The following EYA1 variants were observed in gnomAD, a reference collection of about 807,000 sequenced individuals.
The protein encoded by EYA1 is EYA transcriptional coactivator and phosphatase 1, also known as protein phosphatase EYA1.
A neutral mutation model predicts 82.0 loss-of-function variants in EYA1; 16 were observed. The ratio of observed to expected loss-of-function variants is 0.20; its 90% CI spans 0.13 to 0.30. The LOEUF is 0.30. Ranked by LOEUF, EYA1 falls within the 10% of genes least tolerant of loss-of-function variation. The pLI, the probability that EYA1 is intolerant of heterozygous loss-of-function variation, is 1.00. For synonymous variants in EYA1, 261 were observed against 264.4 expected, an observed-to-expected ratio of 0.99 and a Z score of 0.12; for missense variants, 633 against 730.7, an observed-to-expected ratio of 0.87 and a Z score of 1.54.
At chr8:71,224,360 A>G (rs768808813) in intron 12 of EYA1, among the ~76,000 whole-genome samples, 2 of 152,266 alleles carry the variant, frequency 1.3e-5, no homozygotes, top group Non-Finnish European at 2.9e-5. Context: ...AAAAGTCAGC[A>G]GAGAACTAGC....
chr8:71,233,476 A>G (rs1488870846), intron 12 of EYA1, among the ~76,000 whole-genome samples: 2 of 151,372 alleles, frequency 1.3e-5, no homozygotes, highest in African/African-American at 4.9e-5. Flanking sequence ...AGGCAGGAGA[A>G]TGGCATGAAC....
At chr8:71,335,955 C>G (rs1410918490) in intron 3 of EYA1, among the ~76,000 whole-genome samples, 3 of 152,138 alleles carry the variant, frequency 2.0e-5, no homozygotes, top group African/African-American at 4.8e-5. Flanking sequence ...GCCATGGAAA[C>G]AGGTCCTGTA....
chr8:71,402,771 C>T (rs1247848483), intron 2 of EYA1, among the ~76,000 whole-genome samples: 1 of 151,842 alleles, frequency 6.6e-6, no homozygotes, highest in African/African-American at 2.4e-5. Context: ...CAGAAATTAG[C>T]AGAATAACAA....
intron 9 of EYA1, among the ~76,000 whole-genome samples, chr8:71,298,474 T>C (rs1399410820): frequency 2.0e-5 from 3 of 152,176 alleles, no homozygotes; most frequent in Middle Eastern, 3.2e-3. Context: ...AAAGACATCA[T>C]GTAGGAAGAT....
At chr8:71,328,670 C>G (rs781481858) in intron 4 of EYA1, among the ~76,000 whole-genome samples, 8 of 152,294 alleles carry the variant, frequency 5.3e-5, no homozygotes, top group Non-Finnish European at 8.8e-5. Flanking sequence ...AAAAATCTTT[C>G]TTTCTCTGGG....
chr8:71,458,255 C>A (rs1462370861), intron 2 of EYA1, among the ~76,000 whole-genome samples: 1 of 152,026 alleles, frequency 6.6e-6, no homozygotes, highest in Non-Finnish European at 1.5e-5. Flanking sequence ...CTTATATAGT[C>A]TGAGGTAAGA....
chr8:71,508,941 G>A (rs1216724260), intron 2 of EYA1, among the ~76,000 whole-genome samples: 1 of 152,080 alleles, frequency 6.6e-6, no homozygotes, highest in Non-Finnish European at 1.5e-5. Context: ...TTTGGTTTGT[G>A]CCAGGTGTGG....
At chr8:71,368,663 C>G (rs1450524096) in intron 2 of EYA1, among the ~76,000 whole-genome samples, 4 of 152,042 alleles carry the variant, frequency 2.6e-5, no homozygotes, top group Non-Finnish European at 4.4e-5. Context: ...AGTATCGTCA[C>G]AGTATACCTC....
chr8:71,476,132 C>T (rs1379685500), intron 2 of EYA1, among the ~76,000 whole-genome samples: 1 of 152,080 alleles, frequency 6.6e-6, no homozygotes, highest in Non-Finnish European at 1.5e-5. Flanking sequence ...CCCCCCAATC[C>T]TTCATATACC....
Position 71,287,887 on chromosome 8 carries a change from C to A in EYA1, c.826+11160G>T, listed in dbSNP as rs114508345. On this transcript the variant is annotated intron_variant, in intron 9 of 17. Coordinates refer to ENST00000340726, the MANE Select transcript of EYA1 (RefSeq NM_000503.6). ...AATATGTATCAGTCACTTTGCTAGC[C>A]ACTTACATCATTTCATTCTCATAGT... Among the ~76,000 whole-genome samples the A allele has an allele frequency of 3.7e-3, 566 of 152,308 alleles. 4 individuals are homozygous for A. Among genetic ancestry groups the A allele is most frequent in the African/African-American group, 0.013 (538 of 41,578 alleles).
chr8:71,538,369 A>G (rs77033380), intron 1 of EYA1, among the ~76,000 whole-genome samples: 1 of 150,916 alleles, frequency 6.6e-6, no homozygotes, highest in Non-Finnish European at 1.5e-5. Flanking sequence ...TTTTGAATGA[A>G]TGAATAAAAT....
chr8:71,357,459 T>A (rs991061268), intron 1 of EYA1, among the ~76,000 whole-genome samples: 3 of 152,246 alleles, frequency 2.0e-5, no homozygotes, highest in African/African-American at 7.2e-5. Flanking sequence ...GCCAGGCTGC[T>A]GGCTTGTAAG....
chr8:71,434,216 A>G (rs1248590626), intron 2 of EYA1, among the ~76,000 whole-genome samples: 1 of 152,214 alleles, frequency 6.6e-6, no homozygotes, highest in African/African-American at 2.4e-5. Flanking sequence ...CTTTCTAGAC[A>G]TTATTGTAGT....
intron 11 of EYA1, among the ~76,000 whole-genome samples, chr8:71,266,724 A>G (rs2128941877): frequency 6.6e-6 from 1 of 152,336 alleles, no homozygotes; most frequent in South Asian, 2.1e-4. Context: ...TAGTCCCCCC[A>G]GTGCCCTGGG....
At chr8:71,376,164 C>T (rs778010339) in intron 2 of EYA1, among the ~76,000 whole-genome samples, 2 of 151,884 alleles carry the variant, frequency 1.3e-5, no homozygotes, top group Non-Finnish European at 2.9e-5. Context: ...TGAGTTAAGA[C>T]GTAAACAATG....
At chr8:71,209,867 A>G (rs943592960) in intron 17 of EYA1, among the ~76,000 whole-genome samples, 2 of 152,048 alleles carry the variant, frequency 1.3e-5, no homozygotes, top group Admixed American at 1.3e-4. Flanking sequence ...AGGGAGTTAT[A>G]AAAAAATCTG....
intron 2 of EYA1, chr8:71,448,792 A>T (rs771425383): frequency 1.2e-5 from 2 of 162,158 alleles, no homozygotes; most frequent in African/African-American, 4.8e-5. Context: ...TTGTTTTGGA[A>T]TTTTTCTACA....
At chr8:71,340,576 A>T (rs144694952) in intron 3 of EYA1, among the ~76,000 whole-genome samples, 1 of 152,028 alleles carries the variant, frequency 6.6e-6, no homozygotes, top group Non-Finnish European at 1.5e-5. Context: ...TTCAACTAAA[A>T]TCCCACCTGT....
chr8:71,407,132 AGG>A (rs1586653765), intron 2 of EYA1, among the ~76,000 whole-genome samples: 1 of 129,082 alleles, frequency 7.7e-6, no homozygotes, highest in Non-Finnish European at 1.7e-5. Context: ...CTCACACGGC[AGG>A]GTATTCCAAC....
Sources: allele counts gnomAD v4.1 joint callset (sites outside exome capture counted in the v4.1 genomes callset), GRCh38; gene constraint gnomAD v4.1.1; transcripts MANE v1.5; gene names NCBI Gene and HGNC (gene_info 2026-07-23, HGNC 2026-07-21).